The following MYO1E variants were observed in gnomAD, a reference collection of about 807,000 sequenced individuals.
The protein encoded by MYO1E is unconventional myosin-Ie.
Under a neutral mutation model 151.1 loss-of-function variants are expected in MYO1E, and 68 were observed. That is an observed-to-expected ratio of 0.45 (90% CI 0.37 to 0.55). The LOEUF is 0.55. MYO1E is among the 20% of genes least tolerant of loss of function. MYO1E has a pLI of 0.00. For synonymous variants in MYO1E, 601 were observed against 501.7 expected, an observed-to-expected ratio of 1.20 and a Z score of -2.64; for missense variants, 1,363 against 1,389.3, an observed-to-expected ratio of 0.98 and a Z score of 0.30.
intron 1 of MYO1E, among the ~76,000 whole-genome samples, chr15:59,307,564 G>T (rs981261884): frequency 6.6e-6 from 1 of 152,068 alleles, no homozygotes; most frequent in South Asian, 2.1e-4. Flanking sequence ...AGCTATTTGG[G>T]TGAGTATATT....
chr15:59,250,170 C>A (rs2080155729), intron 4 of MYO1E, among the ~76,000 whole-genome samples: 1 of 152,162 alleles, frequency 6.6e-6, no homozygotes, highest in Admixed American at 6.5e-5. Context: ...AATGTCCTAC[C>A]TAAGAGGAGT....
chr15:59,137,462 G>C lies in MYO1E; in HGVS notation c.3251-6C>G, dbSNP rs762926893. 9.3e-6 allele frequency: 15 copies of C among 1,613,710 alleles called. No homozygotes were observed. The highest frequency in any genetic ancestry group is 1.1e-5 in the Non-Finnish European group (13 of 1,179,606). ...CGTCCACCAGCCAGAAGGATCTGCA[G>C]GGAGAGAGAGGTGGTGGAAGTGAAG... is the stretch of plus-strand genomic sequence containing the variant. On this transcript the variant is annotated splice_polypyrimidine_tract_variant and splice_region_variant and intron_variant, in intron 27 of 27. Coordinates refer to ENST00000288235, the MANE Select transcript of MYO1E (RefSeq NM_004998.4).
chr15:59,139,508 TCTGCAGA>T (rs2079396228), intron 26 of MYO1E, among the ~76,000 whole-genome samples: 1 of 147,642 alleles, frequency 6.8e-6, no homozygotes, highest in Admixed American at 6.7e-5. Flanking sequence ...CCCTTATTAC[TCTGCAGA>T]CATCCCTCCT....
intron 1 of MYO1E, among the ~76,000 whole-genome samples, chr15:59,305,712 C>T (rs2080510961): frequency 6.6e-6 from 1 of 152,198 alleles, no homozygotes; most frequent in South Asian, 2.1e-4. Context: ...AGCTGTGCTT[C>T]CTTTCCTTGA....
intron 1 of MYO1E, among the ~76,000 whole-genome samples, chr15:59,334,966 T>G (rs903343713): frequency 1.3e-5 from 2 of 152,204 alleles, no homozygotes; most frequent in Non-Finnish European, 2.9e-5. Flanking sequence ...GAAGCCTATT[T>G]GCAAAAAACA....
At chr15:59,275,833 G>A (rs1318948456) in intron 1 of MYO1E, among the ~76,000 whole-genome samples, 2 of 152,178 alleles carry the variant, frequency 1.3e-5, no homozygotes, top group Admixed American at 1.3e-4. Context: ...AGCCCAGCCA[G>A]GGAAGCTGAA....
chr15:59,164,882 T>C (rs890307325), intron 22 of MYO1E, among the ~76,000 whole-genome samples: 2 of 152,160 alleles, frequency 1.3e-5, no homozygotes, highest in Admixed American at 1.3e-4. Context: ...GTGCTAGTAT[T>C]AAGAAGTGTG....
intron 1 of MYO1E, among the ~76,000 whole-genome samples, chr15:59,299,380 C>G (rs2080469286): frequency 6.6e-6 from 1 of 152,162 alleles, no homozygotes; most frequent in East Asian, 1.9e-4. Context: ...AAATAGCCGC[C>G]GCACTCTTGT....
At chr15:59,165,258 G>A (rs1483138158) in intron 22 of MYO1E, among the ~76,000 whole-genome samples, 1 of 152,204 alleles carries the variant, frequency 6.6e-6, no homozygotes, top group Admixed American at 6.5e-5. Flanking sequence ...AACCATGGGG[G>A]TGGGGCGGGG....
intron 19 of MYO1E, among the ~76,000 whole-genome samples, chr15:59,175,273 GTGGCT>G (rs2079617965): frequency 2.6e-5 from 4 of 152,294 alleles, no homozygotes; most frequent in Admixed American, 2.6e-4. Flanking sequence ...TACCTTGAGA[GTGGCT>G]TACATGACTC....
chr15:59,143,698 T>G (rs74017367), intron 26 of MYO1E, among the ~76,000 whole-genome samples: 2 of 152,162 alleles, frequency 1.3e-5, no homozygotes, highest in African/African-American at 2.4e-5. Context: ...AGATGACTGA[T>G]GCAGGCTCCT....
At chr15:59,227,309 C>T (rs1309788584) in intron 7 of MYO1E, 150 bp downstream of exon 7, 12 of 922,456 alleles carry the variant, frequency 1.3e-5, no homozygotes, top group Non-Finnish European at 1.9e-5. Context: ...GAGGGCAGGA[C>T]ATTCTCACAA....
intron 1 of MYO1E, among the ~76,000 whole-genome samples, chr15:59,277,609 A>AT (rs1186198831): frequency 6.6e-6 from 1 of 151,596 alleles, no homozygotes; most frequent in Non-Finnish European, 1.5e-5. Context: ...CAGCAACTGT[A>AT]TTTTTTAGGA....
chr15:59,142,337 G>C (rs896474325), intron 26 of MYO1E, among the ~76,000 whole-genome samples: 9 of 152,104 alleles, frequency 5.9e-5, no homozygotes, highest in Admixed American at 5.2e-4. Flanking sequence ...AAGTATGGGG[G>C]CTTAGATACA....
intron 5 of MYO1E, among the ~76,000 whole-genome samples, chr15:59,236,267 C>T (rs567515884): frequency 1.5e-3 from 232 of 151,124 alleles, no homozygotes; most frequent in African/African-American, 5.1e-3. Flanking sequence ...CTCTTGAACC[C>T]GGGAGGCAGA....
chr15:59,193,425 AAG>A (rs1236327720), intron 17 of MYO1E, among the ~76,000 whole-genome samples: 18 of 152,154 alleles, frequency 1.2e-4, no homozygotes, highest in Admixed American at 5.9e-4. Context: ...TTTAGAGGAG[AAG>A]AGATGACAAT....
At chr15:59,258,955 T>G (rs1454693070) in intron 3 of MYO1E, among the ~76,000 whole-genome samples, 3 of 146,848 alleles carry the variant, frequency 2.0e-5, no homozygotes, top group Middle Eastern at 6.9e-3. Context: ...CCCTCTCTTG[T>G]TTTTTTTTGT....
intron 1 of MYO1E, among the ~76,000 whole-genome samples, chr15:59,337,026 TA>T (rs10562967): frequency 3.3e-5 from 5 of 150,850 alleles, no homozygotes; most frequent in Non-Finnish European, 5.9e-5. Flanking sequence ...CTCCTAGTTT[TA>T]AAAAAAAAAA....
chr15:59,217,276 T>C (rs1393028118), intron 10 of MYO1E, among the ~76,000 whole-genome samples: 1 of 152,166 alleles, frequency 6.6e-6, no homozygotes, highest in East Asian at 1.9e-4. Flanking sequence ...AATCTTTAGG[T>C]CCAAAAGTCA....
Sources: gnomAD v4.1 joint callset for allele counts (sites outside exome capture counted in the v4.1 genomes callset) on GRCh38, gnomAD v4.1.1 for gene constraint, MANE v1.5 for transcripts, NCBI Gene and HGNC (gene_info 2026-07-23, HGNC 2026-07-21) for gene names.